Variants in GDPD5 observed in about 807,000 individuals in gnomAD.
GDPD5 encodes glycerophosphodiester phosphodiesterase domain containing 5, also known as glycerophosphodiester phosphodiesterase 2.
GDPD5 carries 48 observed loss-of-function variants against 75.1 expected under a neutral mutation model. That is an observed-to-expected ratio of 0.64 (90% CI 0.51 to 0.81). The LOEUF (loss-of-function observed/expected upper bound fraction) is 0.81, where lower values mean the gene tolerates loss of function less well. GDPD5 is among the 40% of genes least tolerant of loss of function. GDPD5 has a pLI of 0.00. For missense variants in GDPD5, 706 were observed against 822.6 expected (o/e 0.86, Z 1.73); for synonymous variants, 336 against 339.0 (o/e 0.99, Z 0.10).
At chr11:75,495,308 T>G (rs920911144) in intron 1 of GDPD5, among the ~76,000 whole-genome samples, 3 of 149,524 alleles carry the variant, frequency 2.0e-5, no homozygotes, top group Non-Finnish European at 4.4e-5. Flanking sequence ...GAATTTAATT[T>G]TATATATATA....
At chr11:75,459,944 T>C (rs1335597175) in intron 4 of GDPD5, among the ~76,000 whole-genome samples, 1 of 152,220 alleles carries the variant, frequency 6.6e-6, no homozygotes, top group Non-Finnish European at 1.5e-5. Context: ...TGCTGTCATC[T>C]GGGACCTTGC....
At chr11:75,505,166 A>G (rs1950370293) in intron 1 of GDPD5, among the ~76,000 whole-genome samples, 1 of 151,876 alleles carries the variant, frequency 6.6e-6, no homozygotes, top group Non-Finnish European at 1.5e-5. Flanking sequence ...CTTGAGGTAG[A>G]TAGGGAGATT....
chr11:75,441,147 C>T lies in GDPD5; in HGVS notation c.1473+16G>A, dbSNP rs775034124. 1.2e-6 allele frequency: 2 copies of T among 1,612,502 alleles called. No individual in the cohort carries two copies. The highest frequency in any genetic ancestry group is 2.2e-5 in the South Asian group (2 of 91,026). ...TCCAGCACTGCCCCCCAGGGGCCCT[C>T]TGCCCCCCAACTCACCATGATCCAG... is the stretch of plus-strand genomic sequence containing the variant. On this transcript the variant is annotated intron_variant, in intron 14 of 16. Transcript: ENST00000336898.
chr11:75,436,859 A>T (rs561066466), intron 16 of GDPD5, 77 bp downstream of exon 16: 1 of 1,071,890 alleles, frequency 9.3e-7, no homozygotes, highest in African/African-American at 1.5e-5. Context: ...ATGTGTGTGC[A>T]TACACATCTG....
intron 1 of GDPD5, among the ~76,000 whole-genome samples, chr11:75,495,640 A>G (rs1950194665): frequency 6.6e-6 from 1 of 152,226 alleles, no homozygotes; most frequent in African/African-American, 2.4e-5. Context: ...TACGTATTTC[A>G]ATGTACATTG....
intron 15 of GDPD5, chr11:75,439,214 G>C (rs757983706): frequency 4.9e-6 from 2 of 405,306 alleles, no homozygotes; most frequent in Admixed American, 5.2e-5. Flanking sequence ...TCAGGCGAGC[G>C]CGCTGTCTGC....
chr11:75,511,993 C>T (rs148787172), intron 1 of GDPD5, among the ~76,000 whole-genome samples: 1 of 152,274 alleles, frequency 6.6e-6, no homozygotes, highest in African/African-American at 2.4e-5. Flanking sequence ...CTGTCAAGTC[C>T]TGTGCCAGCA....
chr11:75,463,186 T>C lies in GDPD5; in HGVS notation c.118-297A>G, dbSNP rs552934573. Reference sequence around the variant, plus strand: ...TTTCCATCGTGTACTGCTCTCCCTATTCTGGGGACGGCTCCCTTGGCGCTG... The same window carrying C: ...TTTCCATCGTGTACTGCTCTCCCTACTCTGGGGACGGCTCCCTTGGCGCTG... On this transcript the variant is annotated intron_variant, in intron 3 of 16. Coordinates refer to ENST00000336898, the MANE Select transcript of GDPD5 (RefSeq NM_030792.8). Among the ~76,000 whole-genome samples the C allele has an allele frequency of 1.3e-4, 20 of 152,328 alleles. No homozygotes were observed. In the South Asian group the frequency reaches 3.5e-3, roughly 27 times the overall value.
At chr11:75,486,156 C>T (rs1001568802) in intron 2 of GDPD5, among the ~76,000 whole-genome samples, 2 of 152,162 alleles carry the variant, frequency 1.3e-5, no homozygotes, top group Non-Finnish European at 1.5e-5. Context: ...TTTAGCTACC[C>T]GCTCTCTCCT....
chr11:75,523,450 G>A (rs1418375928), intron 1 of GDPD5, among the ~76,000 whole-genome samples: 2 of 152,178 alleles, frequency 1.3e-5, no homozygotes, highest in Admixed American at 6.5e-5. Context: ...TTGCCCACAC[G>A]AGACTGGGCC....
chr11:75,458,379 A>T (rs1949337626), intron 4 of GDPD5, among the ~76,000 whole-genome samples: 1 of 152,220 alleles, frequency 6.6e-6, no homozygotes, highest in South Asian at 2.1e-4. Flanking sequence ...GGGGATAAGA[A>T]AGTGCCTTTT....
chr11:75,517,800 C>G (rs1194800487), intron 1 of GDPD5, among the ~76,000 whole-genome samples: 1 of 148,096 alleles, frequency 6.8e-6, no homozygotes, highest in Non-Finnish European at 1.5e-5. Flanking sequence ...GACACCCTCC[C>G]CTAGATTAAA....
intron 5 of GDPD5, 59 bp downstream of exon 5, chr11:75,457,634 G>A (rs1949312015): frequency 6.3e-6 from 9 of 1,426,744 alleles, no homozygotes; most frequent in Non-Finnish European, 7.9e-6. Context: ...CCCAGCACAG[G>A]GCCAGTATCC....
rs529805475 is a variant in GDPD5, at chr11:75,498,481, C to T, written c.-144-8161G>A. 3.2e-3 allele frequency among the ~76,000 whole-genome samples: 484 copies of T among 151,336 alleles called. 9 individuals are homozygous for T. The highest frequency in any genetic ancestry group is 1.1e-3 in the Non-Finnish European group (73 of 67,768). On this transcript the variant is annotated intron_variant, in intron 1 of 16. Coordinates refer to ENST00000336898, the MANE Select transcript of GDPD5 (RefSeq NM_030792.8). ...CTCCATGGCCTTGAACTAACCTCTG[C>T]CCTTAAGCCTTGTCCCACCTCCTAC...
intron 1 of GDPD5, among the ~76,000 whole-genome samples, chr11:75,495,769 AT>A (rs1483432874): frequency 1.3e-5 from 2 of 152,056 alleles, no homozygotes; most frequent in Non-Finnish European, 2.9e-5. Flanking sequence ...CTCTATTTGT[AT>A]TTTTGCTCTC....
chr11:75,515,709 G>T (rs774461315), intron 1 of GDPD5, among the ~76,000 whole-genome samples: 1 of 152,218 alleles, frequency 6.6e-6, no homozygotes, highest in African/African-American at 2.4e-5. Context: ...GGCTGGGGCC[G>T]CTGCTCTGTG....
chr11:75,443,230 A>C lies in GDPD5; in HGVS notation c.854T>G (p.Val285Gly). 6.2e-7 allele frequency: 1 copy of C among 1,608,572 alleles called. No individual in the cohort carries two copies. The highest frequency in any genetic ancestry group is 8.5e-7 in the Non-Finnish European group (1 of 1,178,132). ...GGCCAGCTCCGGGAACTCCTCCTCC[A>C]CGTTGGTGGTGCGCCGCAGGGTGGT... is the stretch of plus-strand genomic sequence containing the variant. ...HDTTLRRTTN[V>G]EEEFPELARR... The change falls in exon 11 of 17, where the codon GTG (valine) becomes GGG (glycine). Residue 285 changes from valine to glycine, a missense_variant. Transcript: ENST00000336898.
At chr11:75,460,678 TCA>T (rs1241178120) in intron 4 of GDPD5, among the ~76,000 whole-genome samples, 5 of 152,070 alleles carry the variant, frequency 3.3e-5, no homozygotes, top group African/African-American at 1.2e-4. Flanking sequence ...ACACCTGGAC[TCA>T]CATGATCTGC....
At chr11:75,513,549 C>A (rs1247109878) in intron 1 of GDPD5, among the ~76,000 whole-genome samples, 1 of 152,190 alleles carries the variant, frequency 6.6e-6, no homozygotes, top group Non-Finnish European at 1.5e-5. Context: ...TCACAGATAT[C>A]AGAGCGCTTC....
Sources: allele counts gnomAD v4.1 joint callset (sites outside exome capture counted in the v4.1 genomes callset), GRCh38; gene constraint gnomAD v4.1.1; transcripts MANE v1.5; gene names NCBI Gene and HGNC (gene_info 2026-07-23, HGNC 2026-07-21).